The following CSMD1 variants were observed in gnomAD, a reference collection of about 807,000 sequenced individuals.
CSMD1 encodes CUB and Sushi multiple domains 1.
CSMD1 carries 213 observed loss-of-function variants against 417.5 expected under a neutral mutation model. The ratio of observed to expected loss-of-function variants is 0.51; its 90% CI spans 0.46 to 0.57. CSMD1 has a LOEUF of 0.57. Among genes scored for constraint, CSMD1 ranks in the 20% least tolerant of loss-of-function variants. The pLI is 0.00. For synonymous variants in CSMD1, 2,862 were observed against 1,736.8 expected (o/e 1.65, Z -16.11); for missense variants, 6,923 against 4,529.7 (o/e 1.53, Z -15.17).
At chr8:3,791,766 T>G (rs566714833) in intron 5 of CSMD1, among the ~76,000 whole-genome samples, 6 of 152,222 alleles carry the variant, frequency 3.9e-5, no homozygotes, top group Admixed American at 3.3e-4. Context: ...GAAGTTGCAG[T>G]GAGCCGACGT....
intron 3 of CSMD1, among the ~76,000 whole-genome samples, chr8:4,229,988 A>T (rs115203944): frequency 2.0e-5 from 3 of 152,204 alleles, no homozygotes; most frequent in African/African-American, 4.8e-5. Context: ...TATAACACTT[A>T]AGTCTGTAAT....
intron 15 of CSMD1, 125 bp downstream of exon 15, chr8:3,405,902 T>C (rs1301645374): frequency 4.9e-6 from 4 of 823,588 alleles, no homozygotes; most frequent in Non-Finnish European, 7.5e-6. Context: ...GTTGGTTAAG[T>C]GACTGTGTGT....
intron 41 of CSMD1, among the ~76,000 whole-genome samples, chr8:3,119,384 TA>T (rs34060531): frequency 5.7e-5 from 5 of 88,274 alleles, no homozygotes; most frequent in Non-Finnish European, 7.0e-5. Flanking sequence ...AGTCTTTTTC[TA>T]AAAAAAAAAA....
intron 3 of CSMD1, among the ~76,000 whole-genome samples, chr8:4,275,593 T>C (rs1341939967): frequency 6.6e-6 from 1 of 152,130 alleles, no homozygotes; most frequent in Non-Finnish European, 1.5e-5. Context: ...TAAAAGGTAA[T>C]ATTGTAATTT....
chr8:3,758,497 C>G (rs143736641), intron 5 of CSMD1, among the ~76,000 whole-genome samples: 2 of 152,160 alleles, frequency 1.3e-5, no homozygotes, highest in Non-Finnish European at 2.9e-5. Flanking sequence ...GTTATTCTAT[C>G]GCTGTCTACA....
chr8:3,061,438 G>A (rs767666275), intron 49 of CSMD1, among the ~76,000 whole-genome samples: 1 of 152,132 alleles, frequency 6.6e-6, no homozygotes, highest in Non-Finnish European at 1.5e-5. Flanking sequence ...AGAATGTTCG[G>A]GACATTTACC....
At chr8:4,262,833 G>C (rs1298670317) in intron 3 of CSMD1, among the ~76,000 whole-genome samples, 1 of 152,104 alleles carries the variant, frequency 6.6e-6, no homozygotes, top group African/African-American at 2.4e-5. Flanking sequence ...TCTAAGCCTT[G>C]GCTTTAATCA....
intron 4 of CSMD1, among the ~76,000 whole-genome samples, chr8:4,029,304 G>T (rs141837233): frequency 6.6e-6 from 1 of 152,150 alleles, no homozygotes; most frequent in Non-Finnish European, 1.5e-5. Flanking sequence ...CTGTTTTCAC[G>T]CTGGTGATAA....
rs115901932 is a variant in CSMD1 at position 4,766,304 on chromosome 8, G to A, written c.86-128746C>T. The stretch of plus-strand genomic sequence containing the variant: ...ACCTGCTAGTTACCTTTTTCATTCG[G>A]TGAGCCAACTATGTATGCATGATGT... On this transcript the variant is annotated intron_variant, in intron 1 of 69. Coordinates refer to ENST00000635120, the MANE Select transcript of CSMD1 (RefSeq NM_033225.6). 7.4e-4 allele frequency among the ~76,000 whole-genome samples: 112 copies of A among 152,250 alleles called. 1 individual carries two copies. Among genetic ancestry groups the A allele is most frequent in the African/African-American group, 2.5e-3 (102 of 41,544 alleles).
At chr8:4,570,998 C>A (rs1456608307) in intron 2 of CSMD1, among the ~76,000 whole-genome samples, 2 of 151,800 alleles carry the variant, frequency 1.3e-5, no homozygotes, top group South Asian at 2.1e-4. Context: ...ATCCCTTTAT[C>A]TTTTTTTTAT....
At chr8:4,036,182 A>T (rs1048630409) in intron 3 of CSMD1, among the ~76,000 whole-genome samples, 2 of 152,158 alleles carry the variant, frequency 1.3e-5, no homozygotes, top group Admixed American at 6.5e-5. Context: ...GTGCTCTGTG[A>T]TGTTTGCACA....
At position 4,316,891 on chromosome 8, in the gene CSMD1, G is replaced by T. The variant is rs1001437460; in HGVS notation, c.415+103062C>A. On this transcript the variant is annotated intron_variant, in intron 3 of 69. Coordinates refer to ENST00000635120, the MANE Select transcript of CSMD1 (RefSeq NM_033225.6). ...GTGGTTATACTCCAAATCTTGGGGT[G>T]GGGGAATCTTCAAAGGAATAGAAAA... 3.9e-5 allele frequency among the ~76,000 whole-genome samples: 6 copies of T among 152,198 alleles called. No individual in the cohort carries two copies. The East Asian group carries it at 1.2e-3, about 29-fold the overall frequency.
intron 5 of CSMD1, among the ~76,000 whole-genome samples, chr8:3,926,007 T>A (rs1809634019): frequency 9.0e-6 from 1 of 110,866 alleles, no homozygotes; most frequent in Non-Finnish European, 1.9e-5. Flanking sequence ...AATTGTCTAT[T>A]TGTCTATACA....
chr8:3,207,318 T>A (rs1797356832), intron 30 of CSMD1, among the ~76,000 whole-genome samples: 1 of 151,252 alleles, frequency 6.6e-6, no homozygotes, highest in Non-Finnish European at 1.5e-5. Context: ...TGGCTGATTT[T>A]TTTTTTTTTC....
chr8:3,369,350 G>A lies in CSMD1; in HGVS notation c.2803C>T (p.Gln935Ter), dbSNP rs1196149329. The A allele has an allele frequency of 6.3e-7, 1 of 1,581,666 alleles. No homozygotes were observed. The highest frequency in any genetic ancestry group is 8.7e-7 in the Non-Finnish European group (1 of 1,151,484). ...GAAAGGACTGTTCCACTCTTCCCTT[G>A]GATGTAGCCTCCACATAGAGCTTAA... ...SCDALCGGYI[Q>*]GKSGTVLSPG... Residue 935 changes from glutamine (Q) to a stop codon, truncating the protein, a stop_gained, in exon 19 of 70, where the codon CAA (glutamine) becomes TAA (stop). Transcript: ENST00000635120. LOFTEE classifies it high-confidence loss of function.
chr8:3,269,088 T>A (rs768449682), intron 26 of CSMD1, among the ~76,000 whole-genome samples: 49 of 152,162 alleles, frequency 3.2e-4, no homozygotes, highest in Non-Finnish European at 6.9e-4. Context: ...AATCCTGTCA[T>A]CCCCCAGTAT....
chr8:4,203,953 T>G (rs1167766199), intron 3 of CSMD1, among the ~76,000 whole-genome samples: 1 of 151,788 alleles, frequency 6.6e-6, no homozygotes, highest in Non-Finnish European at 1.5e-5. Context: ...ATACAAAAAT[T>G]AGCCAGGTGT....
At chr8:3,599,551 C>G (rs1801261204) in intron 8 of CSMD1, among the ~76,000 whole-genome samples, 1 of 152,236 alleles carries the variant, frequency 6.6e-6, no homozygotes, top group Non-Finnish European at 1.5e-5. Flanking sequence ...AACCCCCACA[C>G]AGCATTGCTA....
chr8:4,608,146 T>G (rs1300706629), intron 2 of CSMD1, among the ~76,000 whole-genome samples: 1 of 151,996 alleles, frequency 6.6e-6, no homozygotes, highest in African/African-American at 2.4e-5. Context: ...GAGGGAGGCA[T>G]TAGAGGGGAC....
Sources: allele counts gnomAD v4.1 joint callset (sites outside exome capture counted in the v4.1 genomes callset), GRCh38; gene constraint gnomAD v4.1.1; transcripts MANE v1.5; gene names NCBI Gene and HGNC (gene_info 2026-07-23, HGNC 2026-07-21).